Variants in CYP2A6 observed in about 807,000 individuals in gnomAD.
The protein encoded by CYP2A6 is cytochrome P450 family 2 subfamily A member 6.
Under a neutral mutation model 42.3 loss-of-function variants are expected in CYP2A6, and 27 were observed. The ratio of observed to expected loss-of-function variants is 0.64; its 90% CI spans 0.47 to 0.88. The LOEUF (loss-of-function observed/expected upper bound fraction) is 0.88, where lower values mean the gene tolerates loss of function less well. Ranked by LOEUF, CYP2A6 falls within the 40% of genes least tolerant of loss-of-function variation. The pLI is 0.00. For missense variants in CYP2A6, 628 were observed against 646.0 expected (o/e 0.97, Z 0.30); for synonymous variants, 238 against 246.3 (o/e 0.97, Z 0.31).
intron 1 of CYP2A6, 65 bp downstream of exon 1, chr19:40,850,182 C>T: frequency 7.6e-6 from 12 of 1,572,002 alleles, no homozygotes; most frequent in Non-Finnish European, 1.0e-5. Flanking sequence ...CAACCCCCTG[C>T]CACAAAGCCC....
At position 40,849,872 on chromosome 19, in the gene CYP2A6, C is replaced by T. The variant is rs145308399; in HGVS notation, c.289G>A (p.Glu97Lys). 3.2e-3 allele frequency: 5,086 copies of T among 1,611,540 alleles called. 47 individuals are homozygous for T. The highest frequency in any genetic ancestry group is 0.022 in the South Asian group (2,043 of 90,898). Residue 97 changes from glutamate to lysine, a missense_variant, in exon 2 of 9, where the codon GAG becomes AAG. Around this residue, in one of 2 missense-constraint regions of CYP2A6, gnomAD observed 606 missense variants for 568.1 expected, o/e 1.07. Coordinates refer to ENST00000301141, the MANE Select transcript of CYP2A6 (RefSeq NM_000762.6). ...VREALVDQAEEFSGRGEQATF... is the reference protein window; with the variant it reads ...VREALVDQAEKFSGRGEQATF... ...GCTTGCTCGCCTCGCCCGCTGAACTCCTCAGCCTGGTCCACCAGAGCCTCC... is the reference window on the plus strand; with the variant it reads ...GCTTGCTCGCCTCGCCCGCTGAACTTCTCAGCCTGGTCCACCAGAGCCTCC...
At chr19:40,848,932 T>G (rs1396576597) in intron 2 of CYP2A6, among the ~76,000 whole-genome samples, 169 bp from the exon 3 acceptor site, 1 of 99,232 alleles carries the variant, frequency 1.0e-5, no homozygotes, top group African/African-American at 4.5e-5. Context: ...AGAAACACGA[T>G]GTCGAGGTAG....
At chr19:40,848,160 T>C in intron 4 of CYP2A6, 59 bp downstream of exon 4, 1 of 1,597,396 alleles carries the variant, frequency 6.3e-7, no homozygotes, top group South Asian at 1.1e-5. Flanking sequence ...TGTCTCCAGG[T>C]AGGGGAGCAG....
At chr19:40,848,901 C>G (rs1967152565) in intron 2 of CYP2A6, 138 bp from the exon 3 acceptor site, 1 of 891,878 alleles carries the variant, frequency 1.1e-6, no homozygotes, top group Non-Finnish European at 1.6e-6. Flanking sequence ...CATTGCCCAG[C>G]AGAGCTGCAA....
In CYP2A6 at chr19:40,849,806, G is replaced by C. The variant is rs1308922347; in HGVS notation, c.343+12C>G. 3.1e-6 allele frequency: 5 copies of C among 1,608,224 alleles called. No individual in the cohort carries two copies. The highest frequency in any genetic ancestry group is 3.4e-6 in the Non-Finnish European group (4 of 1,179,494). On this transcript the variant is annotated intron_variant, in intron 2 of 8. Transcript: ENST00000301141. ...CACCTGGCCACCTTCCCCCTCTTGG[G>C]CACCCCCTCACCATAGCCTTTGAAG...
At position 40,845,492 on chromosome 19, in the gene CYP2A6, A is replaced by C. The variant is rs2083451866; in HGVS notation, c.974-11T>G. 20 of 1,610,622 alleles carry C rather than the reference A, an allele frequency of 1.2e-5. No individual in the cohort carries two copies. Among genetic ancestry groups the C allele is most frequent in the Non-Finnish European group, 1.7e-5 (20 of 1,179,408 alleles). On this transcript the variant is annotated splice_polypyrimidine_tract_variant and intron_variant, in intron 6 of 8. Coordinates refer to ENST00000301141, the MANE Select transcript of CYP2A6 (RefSeq NM_000762.6). ...CCTCATGGACCTTGGCTGGGGGAGGAGGGGGAATGTGTTTAGGTATCTAGG... is the reference window on the plus strand; with the variant it reads ...CCTCATGGACCTTGGCTGGGGGAGGCGGGGGAATGTGTTTAGGTATCTAGG...
At chr19:40,846,702 G>A (rs956855477) in intron 5 of CYP2A6, among the ~76,000 whole-genome samples, 173 bp downstream of exon 5, 5 of 151,338 alleles carry the variant, frequency 3.3e-5, no homozygotes, top group African/African-American at 1.2e-4. Context: ...CACCTGCCTC[G>A]GCCTCCCAAA....
At chr19:40,850,156 T>A (rs980668046) in intron 1 of CYP2A6, 91 bp downstream of exon 1, 1 of 1,545,860 alleles carries the variant, frequency 6.5e-7, no homozygotes, top group African/African-American at 1.4e-5. Context: ...TTCCTAAGAC[T>A]CTGGTCCACA....
intron 4 of CYP2A6, 36 bp from the exon 5 acceptor site, chr19:40,847,087 A>G: frequency 6.2e-7 from 1 of 1,603,182 alleles, no homozygotes. Flanking sequence ...AGGGAAGGAC[A>G]GCTGTCACGG....
chr19:40,849,718 G>C, intron 2 of CYP2A6, 100 bp downstream of exon 2: 1 of 1,569,356 alleles, frequency 6.4e-7, no homozygotes, highest in Non-Finnish European at 8.6e-7. Context: ...TGGGGACTCT[G>C]CCTTAGCCTC....
intron 2 of CYP2A6, 125 bp downstream of exon 2, chr19:40,849,693 G>C: frequency 6.6e-7 from 1 of 1,521,520 alleles, no homozygotes; most frequent in South Asian, 1.3e-5. Flanking sequence ...GGGAGATGGG[G>C]AGGGAAGACC....
intron 4 of CYP2A6, 126 bp from the exon 5 acceptor site, chr19:40,847,177 A>G (rs1347013466): frequency 3.5e-6 from 5 of 1,409,172 alleles, no homozygotes; most frequent in Non-Finnish European, 4.7e-6. Flanking sequence ...TTGTTTAGGT[A>G]TTTCAGTGGG....
At position 40,848,348 on chromosome 19, in the gene CYP2A6, G is replaced by A. The variant is rs755373744; in HGVS notation, c.525C>T (p.Ser175=). The change falls in exon 4 of 9, where the codon AGC becomes AGT. Residue 175 remains serine (S), a synonymous_variant. Coordinates refer to ENST00000301141, the MANE Select transcript of CYP2A6 (RefSeq NM_000762.6). ...AGCTGATGACATTGGAGACTGTGCG[G>A]CTCAGGAAGAAGGTGGGATCGATAT... The part of the protein sequence containing the change: ...GANIDPTFFL[S]RTVSNVISSI... The A allele has an allele frequency of 3.7e-6, 6 of 1,611,976 alleles. No homozygotes were observed. Among genetic ancestry groups the A allele is most frequent in the Middle Eastern group, 1.7e-4 (1 of 6,058 alleles).
chr19:40,847,346 A>C (rs1479307707), intron 4 of CYP2A6, among the ~76,000 whole-genome samples: 2 of 151,470 alleles, frequency 1.3e-5, no homozygotes, highest in Admixed American at 6.6e-5. Flanking sequence ...ATTCAAGTGA[A>C]GTTGAGTTGG....
Position 40,848,331 on chromosome 19 carries a change from A to G in CYP2A6, c.542T>C (p.Val181Ala). The change falls in exon 4 of 9, where the codon GTC (valine) becomes GCC (alanine). Residue 181 changes from valine to alanine, a missense_variant. Around this residue, in one of 2 missense-constraint regions of CYP2A6, gnomAD observed 606 missense variants for 568.1 expected, o/e 1.07. Coordinates refer to ENST00000301141, the MANE Select transcript of CYP2A6 (RefSeq NM_000762.6). Reference sequence around the variant, plus strand: ...GTCCCCAAAGACAATGGAGCTGATGACATTGGAGACTGTGCGGCTCAGGAA... The same window carrying G: ...GTCCCCAAAGACAATGGAGCTGATGGCATTGGAGACTGTGCGGCTCAGGAA... ...TFFLSRTVSN[V>A]ISSIVFGDRF... The G allele has an allele frequency of 1.2e-6, 2 of 1,611,956 alleles. No individual in the cohort carries two copies. The highest frequency in any genetic ancestry group is 8.5e-7 in the Non-Finnish European group (1 of 1,179,952).
chr19:40,843,920 G>T lies in CYP2A6; in HGVS notation c.1361C>A (p.Thr454Asn). Residue 454 changes from threonine (T) to asparagine (N), a missense_variant, in exon 9 of 9, where the codon ACC (threonine) becomes AAC (asparagine). Thr to Asn is a moderately conservative substitution (Grantham distance 65, BLOSUM62 0). Around this residue, in one of 2 missense-constraint regions of CYP2A6, gnomAD observed 22 missense variants for 77.8 expected, o/e 0.28. Transcript: ENST00000301141. ...LARMELFLFF[T>N]TVMQNFRLKS... ...GAGGCGGAAGTTCTGCATGACGGTG[G>T]TGAAGAAGAGAAAGAGCTCCATTCT... 6 of 1,611,938 alleles carry T rather than the reference G, an allele frequency of 3.7e-6. No individual in the cohort carries two copies. Among genetic ancestry groups the T allele is most frequent in the Non-Finnish European group, 5.1e-6 (6 of 1,179,706 alleles).
rs752140839 is a variant in CYP2A6 at position 40,845,174 on chromosome 19, T to C, written c.1161+120A>G. On this transcript the variant is annotated intron_variant, in intron 7 of 8. Coordinates refer to ENST00000301141, the MANE Select transcript of CYP2A6 (RefSeq NM_000762.6). ...AACGGATGTGGTGGTTGGGGAAGTC[T>C]TTTTTGACTGATTGAGGGAGTGGGA... The C allele has an allele frequency of 9.9e-5, 132 of 1,331,600 alleles. No homozygotes were observed. The East Asian group carries it at 2.8e-3, about 28-fold the overall frequency. The allele number at this position is 1,331,600 out of a possible 1,614,324, so 82.5% of individuals were successfully genotyped here. A position where few individuals can be genotyped will look rare whatever the true frequency, so the allele number is the denominator to read the frequency against.
chr19:40,846,950 C>T lies in CYP2A6; in HGVS notation c.756G>A (p.Val252=), dbSNP rs765151497. The T allele has an allele frequency of 8.7e-6, 14 of 1,612,050 alleles. No individual in the cohort carries two copies. The highest frequency in any genetic ancestry group is 1.1e-5 in the Non-Finnish European group (13 of 1,179,946). ...QGLEDFIAKK[V]EHNQRTLDPN... is the part of the protein sequence containing the mutation. ...GATCCAGCGTGCGCTGGTTGTGCTC[C>T]ACCTTCTTGGCTATGAAGTCCTCCA... The change falls in exon 5 of 9, where the codon GTG becomes GTA. Residue 252 remains valine, a synonymous_variant. Transcript: ENST00000301141.
At chr19:40,847,989 C>G (rs1217068115) in intron 4 of CYP2A6, among the ~76,000 whole-genome samples, 1 of 151,800 alleles carries the variant, frequency 6.6e-6, no homozygotes, top group Non-Finnish European at 1.5e-5. Flanking sequence ...ATCCTGCCAG[C>G]AGGCTCTGTT....
Sources: allele counts gnomAD v4.1 joint callset (sites outside exome capture counted in the v4.1 genomes callset), GRCh38; gene constraint gnomAD v4.1.1; regional missense constraint gnomAD v4.1.1; transcripts MANE v1.5; gene names NCBI Gene and HGNC (gene_info 2026-07-23, HGNC 2026-07-21).